The following PRMT8 variants were observed in gnomAD, a reference collection of about 807,000 sequenced individuals.
PRMT8 encodes the protein protein arginine N-methyltransferase 8.
Under a neutral mutation model 47.1 loss-of-function variants are expected in PRMT8, and 7 were observed. The observed-to-expected ratio is 0.15, with a 90% CI of 0.08 to 0.28. The LOEUF is 0.28. Ranked by LOEUF, PRMT8 falls within the 10% of genes least tolerant of loss-of-function variation. The probability of loss-of-function intolerance (pLI) is 1.00; values close to 1 mark genes in which losing one functional copy is unlikely to be tolerated. For missense variants in PRMT8, 237 were observed against 505.4 expected, an observed-to-expected ratio of 0.47 and a Z score of 5.09; for synonymous variants, 188 against 186.5, an observed-to-expected ratio of 1.01 and a Z score of -0.07.
chr12:3,545,523 A>G (rs1866311941), intron 2 of PRMT8, among the ~76,000 whole-genome samples: 2 of 152,248 alleles, frequency 1.3e-5, no homozygotes. Flanking sequence ...CAGCACAGGA[A>G]GTGATGGCTG....
chr12:3,546,449 G>GA (rs1182009077), intron 2 of PRMT8, among the ~76,000 whole-genome samples: 2 of 151,844 alleles, frequency 1.3e-5, no homozygotes, highest in East Asian at 3.9e-4. Flanking sequence ...GATTAATCAA[G>GA]AAAAAAAGAG....
chr12:3,475,863 G>A (rs1865207308), intron 1 of PRMT8, among the ~76,000 whole-genome samples: 1 of 152,222 alleles, frequency 6.6e-6, no homozygotes, highest in Admixed American at 6.5e-5. Context: ...TCTACATCCT[G>A]TGGGTGTATG....
chr12:3,497,124 A>G (rs1865522634), intron 1 of PRMT8, among the ~76,000 whole-genome samples: 1 of 152,134 alleles, frequency 6.6e-6, no homozygotes, highest in African/African-American at 2.4e-5. Context: ...TACACCTTGG[A>G]GTCTACTCTG....
Position 3,570,643 on chromosome 12 carries a change from A to G in PRMT8, c.712+1079A>G, listed in dbSNP as rs1866829097. Among the ~76,000 whole-genome samples the G allele has an allele frequency of 6.6e-6, 1 of 152,234 alleles. No homozygotes were observed. Among genetic ancestry groups the G allele is most frequent in the Non-Finnish European group, 1.5e-5 (1 of 68,048 alleles). On this transcript the variant is annotated intron_variant, in intron 6 of 9. Transcript: ENST00000382622. The surrounding 1 kb of genome is among the most constrained non-coding windows in gnomAD (Gnocchi z 5.5). ...CTGTGGATTTAAACAATTGCCATCT[A>G]ATCGTCGTTAGTGGCACTGATGAAA...
intron 8 of PRMT8, among the ~76,000 whole-genome samples, chr12:3,585,580 C>A (rs1004665990): frequency 6.7e-6 from 1 of 149,046 alleles, no homozygotes; most frequent in African/African-American, 2.5e-5. Context: ...ATTGCCCAGG[C>A]TGGTCTCAAT....
At chr12:3,490,994 C>A (rs1156742190), upstream of PRMT8, among the ~76,000 whole-genome samples, 1 of 152,088 alleles carries the variant, frequency 6.6e-6, no homozygotes, top group South Asian at 2.1e-4. Context: ...TTTCTCTGGG[C>A]CCCCCGCGCG....
intron 1 of PRMT8, among the ~76,000 whole-genome samples, chr12:3,430,226 G>A (rs971555774): frequency 2.0e-5 from 3 of 152,256 alleles, no homozygotes; most frequent in Admixed American, 2.0e-4. Context: ...GAACAGGAAG[G>A]GATTTTCACG....
intron 1 of PRMT8, among the ~76,000 whole-genome samples, chr12:3,522,113 C>A (rs1865888127): frequency 6.8e-6 from 1 of 146,256 alleles, no homozygotes; most frequent in South Asian, 2.4e-4. Context: ...AATAGCACTC[C>A]TTAGGATTAA....
chr12:3,510,808 G>A (rs1865700390), intron 1 of PRMT8, among the ~76,000 whole-genome samples: 2 of 152,100 alleles, frequency 1.3e-5, no homozygotes, highest in Non-Finnish European at 2.9e-5. Context: ...CCTCCACCTC[G>A]GGAGTGCACT....
At chr12:3,592,783 A>G (rs11062732) in intron 9 of PRMT8, among the ~76,000 whole-genome samples, 27,263 of 152,172 alleles carry the variant, frequency 0.18, 2,598 homozygotes, top group African/African-American at 0.25. Flanking sequence ...AGCGCTAAAA[A>G]CGTCTGCAGA....
chr12:3,400,036 A>G (rs966220170), intron 1 of PRMT8, among the ~76,000 whole-genome samples: 14 of 152,212 alleles, frequency 9.2e-5, no homozygotes, highest in Non-Finnish European at 1.6e-4. Context: ...AATTTATAGC[A>G]CTAAATACCC....
intron 1 of PRMT8, among the ~76,000 whole-genome samples, chr12:3,384,513 G>C (rs567155719): frequency 1.3e-5 from 2 of 152,208 alleles, no homozygotes; most frequent in Non-Finnish European, 2.9e-5. Flanking sequence ...GACAGTTCCA[G>C]GGTTGGCTAA....
At chr12:3,414,515 G>T (rs572258051) in intron 1 of PRMT8, among the ~76,000 whole-genome samples, 2 of 152,178 alleles carry the variant, frequency 1.3e-5, no homozygotes, top group Non-Finnish European at 2.9e-5. Context: ...TGTGGGAACC[G>T]GAGTGAATGG....
intron 1 of PRMT8, among the ~76,000 whole-genome samples, chr12:3,480,296 A>G (rs1865260192): frequency 6.6e-6 from 1 of 152,194 alleles, no homozygotes. Flanking sequence ...CTTGAGGCCC[A>G]AGTGCCTGAG....
intron 1 of PRMT8, among the ~76,000 whole-genome samples, chr12:3,457,400 C>T (rs1325974193): frequency 6.6e-6 from 1 of 152,174 alleles, no homozygotes; most frequent in Non-Finnish European, 1.5e-5. Context: ...ACCTTGAACT[C>T]TTGACTCAAG....
In PRMT8 at chr12:3,453,860, T is replaced by C. The variant is rs527760006; in HGVS notation, c.48+72418T>C. Among the ~76,000 whole-genome samples the C allele has an allele frequency of 1.2e-4, 18 of 152,300 alleles. No homozygotes were observed. The South Asian group carries it at 1.4e-3, about 12-fold the overall frequency. ...TCCGACGCCGGCCCTGCTCCGGCGA[T>C]TGAAAATGACTGCAGCCTCGGGTGC... is the stretch of plus-strand genomic sequence containing the variant. On this transcript the variant is annotated intron_variant, in intron 1 of 9. Transcript: ENST00000452611. This position sits in a 1 kb window ranked among gnomAD's most constrained non-coding sequence, Gnocchi z 4.9.
chr12:3,471,482 G>A (rs1865161936), intron 1 of PRMT8, among the ~76,000 whole-genome samples: 2 of 151,962 alleles, frequency 1.3e-5, no homozygotes, highest in South Asian at 4.2e-4. Flanking sequence ...TTCAGAGCCT[G>A]GACCAGGACT....
chr12:3,565,816 A>C (rs1486209301), intron 4 of PRMT8, among the ~76,000 whole-genome samples: 2 of 152,186 alleles, frequency 1.3e-5, no homozygotes, highest in African/African-American at 4.8e-5. Flanking sequence ...GGGACACCTG[A>C]GGAATATTTC....
Position 3,568,750 on chromosome 12 carries a change from G to A in PRMT8, c.526G>A (p.Val176Met), listed in dbSNP as rs369319427. The A allele has an allele frequency of 4.3e-6, 7 of 1,614,086 alleles. No individual in the cohort carries two copies. Among genetic ancestry groups the A allele is most frequent in the Non-Finnish European group, 5.9e-6 (7 of 1,180,048 alleles). ...KGKVEEVELP[V>M]EKVDIIISEW... ...TAAAGTGGAAGAGGTGGAGCTGCCT[G>A]TGGAGAAGGTGGACATCATCATCAG... Residue 176 changes from valine (V) to methionine (M), a missense_variant, in exon 5 of 10, where the codon GTG becomes ATG. Around this residue, in one of 5 missense-constraint regions of PRMT8, gnomAD observed 151 missense variants for 341.1 expected, o/e 0.44. Transcript: ENST00000382622.
Sources: gnomAD v4.1 joint callset for allele counts (sites outside exome capture counted in the v4.1 genomes callset) on GRCh38, gnomAD v4.1.1 for gene constraint, gnomAD v4.1.1 regional missense constraint, Gnocchi (gnomAD v3.1) non-coding constraint, MANE v1.5 for transcripts, NCBI Gene and HGNC (gene_info 2026-07-23, HGNC 2026-07-21) for gene names.